The following OPCML variants were observed in gnomAD, a reference collection of about 807,000 sequenced individuals.
OPCML encodes opioid-binding protein/cell adhesion molecule.
In OPCML, 13 loss-of-function variants were observed where a neutral mutation model predicts 37.8. The observed-to-expected ratio is 0.34, with a 90% CI of 0.22 to 0.55. The LOEUF (loss-of-function observed/expected upper bound fraction) is 0.55, where lower values mean the gene tolerates loss of function less well. Ranked by LOEUF, OPCML falls within the 20% of genes least tolerant of loss-of-function variation. The probability of loss-of-function intolerance (pLI) is 0.91; values close to 1 mark genes in which losing one functional copy is unlikely to be tolerated. For missense variants in OPCML, 341 were observed against 435.6 expected, an observed-to-expected ratio of 0.78 and a Z score of 1.93; for synonymous variants, 176 against 168.8, an observed-to-expected ratio of 1.04 and a Z score of -0.33.
At chr11:133,429,825 T>C (rs186100596) in intron 1 of OPCML, among the ~76,000 whole-genome samples, 2,463 of 152,272 alleles carry the variant, frequency 0.016, 52 homozygotes, top group East Asian at 0.056. Context: ...TCTAGCATGC[T>C]CATTTAGACA....
intron 1 of OPCML, among the ~76,000 whole-genome samples, chr11:132,996,126 A>C (rs1470955864): frequency 6.6e-6 from 1 of 152,156 alleles, no homozygotes; most frequent in Non-Finnish European, 1.5e-5. Flanking sequence ...AGAGTTCTAC[A>C]CAGACTTTAG....
At chr11:133,029,640 G>A (rs1336764842) in intron 1 of OPCML, among the ~76,000 whole-genome samples, 1 of 152,144 alleles carries the variant, frequency 6.6e-6, no homozygotes, top group Non-Finnish European at 1.5e-5. Flanking sequence ...AATACCACAT[G>A]TTCTCACTTG....
At chr11:132,823,491 C>G (rs1269214046) in intron 2 of OPCML, among the ~76,000 whole-genome samples, 1 of 152,002 alleles carries the variant, frequency 6.6e-6, no homozygotes, top group Non-Finnish European at 1.5e-5. Context: ...CTGCTGTGGC[C>G]ATCGCCTGTC....
At chr11:132,560,135 C>T (rs1261911353) in intron 3 of OPCML, among the ~76,000 whole-genome samples, 1 of 152,148 alleles carries the variant, frequency 6.6e-6, no homozygotes, top group Non-Finnish European at 1.5e-5. Context: ...CCATTGTTCT[C>T]AGATCTTCCC....
At chr11:132,973,508 C>T (rs886747878) in intron 1 of OPCML, among the ~76,000 whole-genome samples, 8 of 152,198 alleles carry the variant, frequency 5.3e-5, no homozygotes, top group African/African-American at 9.7e-5. Context: ...ATTGCTCCAA[C>T]ACCTTAGACT....
Position 132,666,554 on chromosome 11 carries a change from C to T in OPCML, c.147-9235G>A, listed in dbSNP as rs113986544. On this transcript the variant is annotated intron_variant, in intron 2 of 7. Coordinates refer to ENST00000524381, the MANE Select transcript of OPCML (RefSeq NM_001012393.5). ...ATATCAGATGGTCATGTAGGGGTGGCATGGGCAAGACCTTACTCACACATG... is the reference window on the plus strand; with the variant it reads ...ATATCAGATGGTCATGTAGGGGTGGTATGGGCAAGACCTTACTCACACATG... Among the ~76,000 whole-genome samples the T allele has an allele frequency of 6.8e-4, 104 of 152,318 alleles. 1 individual carries two copies. The highest frequency in any genetic ancestry group is 1.1e-3 in the Non-Finnish European group (75 of 68,032).
At chr11:132,517,540 T>C (rs937413605) in intron 4 of OPCML, among the ~76,000 whole-genome samples, 12 of 152,316 alleles carry the variant, frequency 7.9e-5, no homozygotes, top group African/African-American at 2.9e-4. Context: ...AAGCCCACAT[T>C]TTTTGTTCAG....
intron 1 of OPCML, among the ~76,000 whole-genome samples, chr11:133,518,764 G>A (rs1487779223): frequency 2.0e-5 from 3 of 151,964 alleles, no homozygotes; most frequent in African/African-American, 7.2e-5. Context: ...GTGTGTTGGG[G>A]GCTGGGCTGT....
chr11:133,420,874 T>A (rs1191678105), intron 1 of OPCML: 5 of 985,414 alleles, frequency 5.1e-6, no homozygotes, highest in Non-Finnish European at 6.0e-6. Flanking sequence ...AAGTTCCATT[T>A]ATATGAGCGT....
chr11:132,733,093 T>C (rs995505956), intron 2 of OPCML, among the ~76,000 whole-genome samples: 2 of 152,218 alleles, frequency 1.3e-5, no homozygotes, highest in Non-Finnish European at 2.9e-5. Context: ...TTTACTTTAT[T>C]ATTACAAACA....
chr11:133,179,340 G>C (rs1161001920), intron 1 of OPCML, among the ~76,000 whole-genome samples: 1 of 152,178 alleles, frequency 6.6e-6, no homozygotes. Flanking sequence ...TCAGGGGTTG[G>C]TTGGCATTTC....
intron 3 of OPCML, chr11:132,529,392 C>T (rs1436070793): frequency 1.6e-5 from 3 of 185,682 alleles, no homozygotes; most frequent in South Asian, 1.8e-4. Flanking sequence ...TATACCTTGG[C>T]GATAGCAGGA....
At chr11:133,286,496 G>GAAT (rs1942305045) in intron 1 of OPCML, among the ~76,000 whole-genome samples, 1 of 137,936 alleles carries the variant, frequency 7.2e-6, no homozygotes, top group East Asian at 2.2e-4. Context: ...AAAAAAAAAG[G>GAAT]ACTCACCTAA....
intron 1 of OPCML, among the ~76,000 whole-genome samples, chr11:133,040,997 G>C (rs568095039): frequency 1.3e-5 from 2 of 152,300 alleles, no homozygotes; most frequent in South Asian, 4.1e-4. Context: ...TGGGGGCTCG[G>C]ACTATAAAAG....
At chr11:132,721,680 T>C (rs1456496457) in intron 2 of OPCML, among the ~76,000 whole-genome samples, 1 of 152,182 alleles carries the variant, frequency 6.6e-6, no homozygotes, top group African/African-American at 2.4e-5. Flanking sequence ...GGTCCACACC[T>C]GAGATGACTA....
At chr11:132,815,933 A>G (rs948417860) in intron 2 of OPCML, among the ~76,000 whole-genome samples, 15 of 152,246 alleles carry the variant, frequency 9.9e-5, no homozygotes, top group African/African-American at 3.6e-4. Flanking sequence ...GATGGGTGCT[A>G]GATGCAGAGG....
At chr11:133,415,770 G>A (rs1239009968) in intron 1 of OPCML, among the ~76,000 whole-genome samples, 1 of 152,184 alleles carries the variant, frequency 6.6e-6, no homozygotes, top group African/African-American at 2.4e-5. Context: ...CAAAATCACA[G>A]AGGCTTTCCT....
intron 1 of OPCML, among the ~76,000 whole-genome samples, chr11:133,311,976 A>G (rs943525908): frequency 9.2e-5 from 14 of 152,242 alleles, no homozygotes; most frequent in Middle Eastern, 3.4e-3. Context: ...CAGGGGCTTT[A>G]TTCACTCTGC....
At chr11:132,618,848 C>T (rs1344717873) in intron 3 of OPCML, among the ~76,000 whole-genome samples, 1 of 151,942 alleles carries the variant, frequency 6.6e-6, no homozygotes, top group Non-Finnish European at 1.5e-5. Context: ...CATTCCTCCC[C>T]CACTCCTTGT....
Sources: gnomAD v4.1 joint callset for allele counts (sites outside exome capture counted in the v4.1 genomes callset) on GRCh38, gnomAD v4.1.1 for gene constraint, MANE v1.5 for transcripts, NCBI Gene and HGNC (gene_info 2026-07-23, HGNC 2026-07-21) for gene names.